Variants in ENDOV observed in about 807,000 individuals in gnomAD.
ENDOV encodes the protein hEndoV.
A neutral mutation model predicts 39.4 loss-of-function variants in ENDOV; 37 were observed. That is an observed-to-expected ratio of 0.94 (90% CI 0.72 to 1.23). ENDOV has a LOEUF of 1.23. ENDOV is among the 50% of genes most tolerant of loss of function. The pLI is 0.00. For missense variants in ENDOV, 441 were observed against 375.7 expected, an observed-to-expected ratio of 1.17 and a Z score of -1.44; for synonymous variants, 186 against 163.4, an observed-to-expected ratio of 1.14 and a Z score of -1.05.
chr17:80,433,326 C>T (rs1311318811), intron 9 of ENDOV, among the ~76,000 whole-genome samples: 2 of 152,206 alleles, frequency 1.3e-5, no homozygotes, highest in East Asian at 1.9e-4. Context: ...ATGGTGAGTC[C>T]TTGGTGAGGG....
chr17:80,435,653 C>T (rs41303544), intron 9 of ENDOV, among the ~76,000 whole-genome samples: 4,878 of 152,006 alleles, frequency 0.032, 135 homozygotes, highest in African/African-American at 0.079. Context: ...CTCGCTGTGT[C>T]GCCCAGGCTG....
chr17:80,429,802 G>A lies in ENDOV; in HGVS notation c.809G>A (p.Cys270Tyr), dbSNP rs759501595. Residue 270 changes from cysteine (C) to tyrosine (Y), a missense_variant, in exon 9 of 10, where the codon TGC becomes TAC. By Grantham distance (194) the Cys-to-Tyr change is radical. Coordinates refer to ENST00000518137, the MANE Select transcript of ENDOV (RefSeq NM_173627.5). ...CCGAAGGCGCAGAGGCCAGTGGCAT[G>A]CCCCAAAGGAGACTCCGGAGAGTCC... ...RSPKAQRPVA[C>Y]PKGDSGESSA... is the part of the protein sequence containing the mutation. 3.7e-6 allele frequency: 6 copies of A among 1,611,952 alleles called. No individual in the cohort carries two copies. In the East Asian group the frequency reaches 1.3e-4, roughly 36 times the overall value.
At chr17:80,418,397 A>T (rs757627686) in intron 2 of ENDOV, 1 of 152,198 alleles carries the variant, frequency 6.6e-6, no homozygotes, top group Non-Finnish European at 1.5e-5. Context: ...CTCACATTGT[A>T]TTAAAGTTAG....
intron 5 of ENDOV, chr17:80,424,393 C>T (rs1433511052): frequency 2.0e-5 from 8 of 398,212 alleles, no homozygotes; most frequent in Admixed American, 1.7e-4. Flanking sequence ...AGGAAGGAAG[C>T]GGGCTCAGCA....
At position 80,415,168 on chromosome 17, in the gene ENDOV, T is replaced by C. The variant is rs901374029; in HGVS notation, c.-27T>C. The C allele has an allele frequency of 7.4e-6, 12 of 1,611,278 alleles. No homozygotes were observed. The highest frequency in any genetic ancestry group is 1.3e-5 in the African/African-American group (1 of 74,862). Reference sequence around the variant, plus strand: ...GAGCGAGTCGCTTCCGGAAGTGACGTGCGGAAGGGGTGCCCGGGACGAAGC... The same window carrying C: ...GAGCGAGTCGCTTCCGGAAGTGACGCGCGGAAGGGGTGCCCGGGACGAAGC... On this transcript the variant is annotated 5_prime_UTR_variant, in exon 1 of 10. Transcript: ENST00000518137.
chr17:80,430,497 A>G (rs1050985441), intron 9 of ENDOV: 4 of 728,420 alleles, frequency 5.5e-6, no homozygotes, highest in Non-Finnish European at 8.0e-6. Context: ...CTGCCCTGAC[A>G]CGGGAGGGGT....
chr17:80,425,030 A>T lies in ENDOV; in HGVS notation c.517-2A>T, dbSNP rs1363553250. 6.2e-7 allele frequency: 1 copy of T among 1,611,786 alleles called. No homozygotes were observed. Among genetic ancestry groups the T allele is most frequent in the Non-Finnish European group, 8.5e-7 (1 of 1,179,052 alleles). ...TTCCCCATTTTTCCCTCCATTTTCC[A>T]GATCCGACTCCTGCAGACTCGAGGA... On this transcript the variant is annotated splice_acceptor_variant, in intron 5 of 9. Transcript: ENST00000518137. LOFTEE classifies it high-confidence loss of function.
rs1037567132 is a variant in ENDOV at position 80,427,029 on chromosome 17, C to T, written c.714+1409C>T. 2.6e-5 allele frequency among the ~76,000 whole-genome samples: 4 copies of T among 152,230 alleles called. No individual in the cohort carries two copies. In the South Asian group the frequency reaches 6.2e-4, roughly 24 times the overall value. On this transcript the variant is annotated intron_variant, in intron 7 of 9. Coordinates refer to ENST00000518137, the MANE Select transcript of ENDOV (RefSeq NM_173627.5). Reference sequence around the variant, plus strand: ...CCACCACCTTCGGGCCGGGGCCTTCCGGCTGCTGGCGCGCAGTGTGGCCTC... The same window carrying T: ...CCACCACCTTCGGGCCGGGGCCTTCTGGCTGCTGGCGCGCAGTGTGGCCTC...
chr17:80,431,207 G>C (rs2083307791), intron 9 of ENDOV, among the ~76,000 whole-genome samples: 1 of 152,174 alleles, frequency 6.6e-6, no homozygotes, highest in Non-Finnish European at 1.5e-5. Context: ...TGCTATCCTG[G>C]TGTTCCTGAG....
At chr17:80,422,575 A>G (rs974956208) in intron 4 of ENDOV, among the ~76,000 whole-genome samples, 2 of 152,228 alleles carry the variant, frequency 1.3e-5, no homozygotes, top group Non-Finnish European at 1.5e-5. Context: ...CCGGGCTCAG[A>G]GTGGCCTTCC....
At chr17:80,423,204 G>A (rs974671584) in intron 4 of ENDOV, among the ~76,000 whole-genome samples, 5 of 152,196 alleles carry the variant, frequency 3.3e-5, no homozygotes, top group Admixed American at 6.5e-5. Context: ...GGCCACCGTC[G>A]AGGGAAGAGG....
chr17:80,425,510 C>A lies in ENDOV; in HGVS notation c.604C>A (p.Arg202Ser). 6.3e-7 allele frequency: 1 copy of A among 1,598,502 alleles called. No individual in the cohort carries two copies. The highest frequency in any genetic ancestry group is 2.2e-5 in the East Asian group (1 of 44,484). ...GTCACAGGCCCTGAGGAGCCACGAC[C>A]GCAGCACCAGGCCCCTCTACATCTC... is the stretch of plus-strand genomic sequence containing the variant. ...VLGMALRSHDRSTRPLYISVG... is the reference protein window; with the variant it reads ...VLGMALRSHDSSTRPLYISVG... The change falls in exon 7 of 10, where the codon CGC becomes AGC. Residue 202 changes from arginine (R) to serine (S), a missense_variant. By Grantham distance (110) the Arg-to-Ser change is moderately radical. Transcript: ENST00000518137.
In ENDOV at chr17:80,437,395, T is replaced by A. The variant is rs2083627837; in HGVS notation, c.*1252T>A. ...AAGGCCTGTCTTTGGGGGAGCAGGG[T>A]TTCAGGAGGACAGTGGGGGTGGTGT... On this transcript the variant is annotated 3_prime_UTR_variant, in exon 10 of 10. Transcript: ENST00000518137. 1 of 152,588 alleles carries A rather than the reference T, an allele frequency of 6.6e-6. No homozygotes were observed. The highest frequency in any genetic ancestry group is 1.5e-5 in the Non-Finnish European group (1 of 68,094). The allele number at this position is 152,588 out of a possible 1,614,324, so 9.5% of individuals were successfully genotyped here.
At chr17:80,429,263 G>A (rs1340804494) in intron 8 of ENDOV, among the ~76,000 whole-genome samples, 2 of 152,202 alleles carry the variant, frequency 1.3e-5, no homozygotes, top group African/African-American at 2.4e-5. Context: ...TTACAGATGA[G>A]GAGGCTGGGA....
chr17:80,436,084 C>A (rs750845202), intron 9 of ENDOV, 49 bp from the exon 10 acceptor site: 3 of 1,594,620 alleles, frequency 1.9e-6, no homozygotes, highest in Middle Eastern at 1.7e-4. Flanking sequence ...CCACTCTGAA[C>A]GCCTTTTATT....
intron 8 of ENDOV, among the ~76,000 whole-genome samples, chr17:80,429,359 G>A (rs1198376878): frequency 6.6e-6 from 1 of 152,222 alleles, no homozygotes; most frequent in Non-Finnish European, 1.5e-5. Flanking sequence ...TCCAGGCCCT[G>A]CATCTGAGCC....
Position 80,430,255 on chromosome 17 carries a change from A to G in ENDOV, c.838+424A>G, listed in dbSNP as rs41301880. Reference sequence around the variant, plus strand: ...TGAGACGCTTTCCCGGAGCCGACGAAGGGGACTCGGAGCTGCAGCCTGCAC... The same window carrying G: ...TGAGACGCTTTCCCGGAGCCGACGAGGGGGACTCGGAGCTGCAGCCTGCAC... On this transcript the variant is annotated intron_variant, in intron 9 of 9. Transcript: ENST00000518137. 2.2e-5 allele frequency: 33 copies of G among 1,475,192 alleles called. 2 individuals carry two copies. In the Admixed American group the frequency reaches 7.7e-4, roughly 34 times the overall value. The allele number at this position is 1,475,192 out of a possible 1,614,324, so 91.4% of individuals were successfully genotyped here.
intron 5 of ENDOV, chr17:80,424,035 G>A: frequency 2.7e-6 from 1 of 368,140 alleles, no homozygotes. Flanking sequence ...CAGCCTCCAG[G>A]CCCCCCTCCC....
At position 80,438,023 on chromosome 17, in the gene ENDOV, C is replaced by G. The variant is rs2083647427; in HGVS notation, c.*1880C>G. Reference sequence around the variant, plus strand: ...GGAGCTCTCTAAGGCTGCTCCCGGGCTGGGACCTGGGTCTAGGATTCTCAG... The same window carrying G: ...GGAGCTCTCTAAGGCTGCTCCCGGGGTGGGACCTGGGTCTAGGATTCTCAG... On this transcript the variant is annotated 3_prime_UTR_variant, in exon 10 of 10. Transcript: ENST00000518137. 6.6e-6 allele frequency: 1 copy of G among 152,220 alleles called. No individual in the cohort carries two copies. The highest frequency in any genetic ancestry group is 2.1e-4 in the South Asian group (1 of 4,828). The allele number at this position is 152,220 out of a possible 1,614,324, so 9.4% of individuals were successfully genotyped here.
Sources: allele counts gnomAD v4.1 joint callset (sites outside exome capture counted in the v4.1 genomes callset), GRCh38; gene constraint gnomAD v4.1.1; transcripts MANE v1.5; gene names NCBI Gene and HGNC (gene_info 2026-07-23, HGNC 2026-07-21).